The following EPHB1 variants were observed in gnomAD, a reference collection of about 807,000 sequenced individuals.
EPHB1 encodes the protein ephrin type-B receptor 1.
A neutral mutation model predicts 94.4 loss-of-function variants in EPHB1; 30 were observed. The observed-to-expected ratio is 0.32, with a 90% CI of 0.24 to 0.43. The LOEUF is 0.43. Among genes scored for constraint, EPHB1 ranks in the 20% least tolerant of loss-of-function variants. EPHB1 has a pLI of 1.00. For missense variants in EPHB1, 1,055 were observed against 1,308.3 expected, an observed-to-expected ratio of 0.81 and a Z score of 2.99; for synonymous variants, 522 against 489.1, an observed-to-expected ratio of 1.07 and a Z score of -0.89.
chr3:135,026,666 C>A (rs1257129271), intron 3 of EPHB1, among the ~76,000 whole-genome samples: 1 of 134,860 alleles, frequency 7.4e-6, no homozygotes, highest in Non-Finnish European at 1.6e-5. Context: ...CAGCTTTGTT[C>A]TTTTGGCGTA....
At position 135,259,453 on chromosome 3, in the gene EPHB1, G is replaced by A. The variant is rs964109498; in HGVS notation, c.*333G>A. 8.7e-6 allele frequency: 2 copies of A among 231,004 alleles called. No individual in the cohort carries two copies. Among genetic ancestry groups the A allele is most frequent in the East Asian group, 1.3e-4 (2 of 15,422 alleles). 14.3% of individuals were successfully genotyped at this position (231,004 alleles called of 1,614,324 possible). ...GTGGGCTGCAGTTGCCCAACCACAG[G>A]AAGAAAGGGAAGGAGGTAGAGGGAA... is the stretch of plus-strand genomic sequence containing the variant. On this transcript the variant is annotated 3_prime_UTR_variant, in exon 16 of 16. Coordinates refer to ENST00000398015, the MANE Select transcript of EPHB1 (RefSeq NM_004441.5).
chr3:134,884,625 G>A (rs1243099807), intron 1 of EPHB1, among the ~76,000 whole-genome samples: 1 of 152,186 alleles, frequency 6.6e-6, no homozygotes, highest in Admixed American at 6.5e-5. Context: ...ATAAGCAACA[G>A]GATAAAATTT....
At chr3:134,925,699 C>T in intron 1 of EPHB1, 117 bp from the exon 2 acceptor site, 2 of 804,216 alleles carry the variant, frequency 2.5e-6, no homozygotes, top group Non-Finnish European at 3.8e-6. Context: ...ATGCACAAAC[C>T]TCCTTGTAGT....
At chr3:135,042,524 A>G (rs1936884070) in intron 3 of EPHB1, among the ~76,000 whole-genome samples, 1 of 152,224 alleles carries the variant, frequency 6.6e-6, no homozygotes, top group South Asian at 2.1e-4. Context: ...TTCCAGCTCA[A>G]CTGAGTGTCC....
chr3:134,964,751 A>G (rs11915087), intron 3 of EPHB1, among the ~76,000 whole-genome samples: 143 of 151,554 alleles, frequency 9.4e-4, no homozygotes, highest in African/African-American at 3.1e-3. Context: ...TGTCTACTCT[A>G]TTTTCTCTTC....
chr3:135,065,460 C>T (rs1439648435), intron 3 of EPHB1, among the ~76,000 whole-genome samples: 3 of 151,952 alleles, frequency 2.0e-5, no homozygotes, highest in Admixed American at 6.6e-5. Flanking sequence ...ATATAATATC[C>T]GTCTTTGTCT....
chr3:134,834,230 G>C (rs747973304), intron 1 of EPHB1, among the ~76,000 whole-genome samples: 4 of 152,170 alleles, frequency 2.6e-5, no homozygotes, highest in Non-Finnish European at 2.9e-5. Context: ...GCTTAGAATA[G>C]AGCCTGGTAA....
intron 10 of EPHB1, among the ~76,000 whole-genome samples, chr3:135,190,940 A>C (rs888691130): frequency 2.0e-5 from 3 of 152,168 alleles, no homozygotes; most frequent in African/African-American, 7.2e-5. Flanking sequence ...TATATGATTC[A>C]ATGTGAAAAG....
At chr3:135,124,154 C>T (rs1940098784) in intron 4 of EPHB1, among the ~76,000 whole-genome samples, 1 of 151,746 alleles carries the variant, frequency 6.6e-6, no homozygotes, top group South Asian at 2.1e-4. Flanking sequence ...GAACCAAGTA[C>T]ATTCCCACCT....
intron 1 of EPHB1, among the ~76,000 whole-genome samples, chr3:134,865,069 C>T (rs555361443): frequency 1.3e-5 from 2 of 150,536 alleles, no homozygotes; most frequent in South Asian, 2.1e-4. Flanking sequence ...GTAAAACATA[C>T]GTGTGTGTGT....
At chr3:134,861,457 G>A (rs1337821057) in intron 1 of EPHB1, among the ~76,000 whole-genome samples, 1 of 152,180 alleles carries the variant, frequency 6.6e-6, no homozygotes, top group African/African-American at 2.4e-5. Context: ...GCCTCCAAGT[G>A]TAGACTTGAG....
rs534876051 is a variant in EPHB1 at position 135,258,721 on chromosome 3, G to A, written c.2847-291G>A. Among the ~76,000 whole-genome samples the A allele has an allele frequency of 2.0e-5, 3 of 152,168 alleles. No homozygotes were observed. The East Asian group carries it at 5.8e-4, about 29-fold the overall frequency. The stretch of plus-strand genomic sequence containing the variant: ...GAGGAAAATTCCAGTCCATCTGAGG[G>A]TCAGGAGACAATGAAGGGGCTGCCT... On this transcript the variant is annotated intron_variant, in intron 15 of 15. Coordinates refer to ENST00000398015, the MANE Select transcript of EPHB1 (RefSeq NM_004441.5).
chr3:135,102,626 G>C (rs1255524244), intron 3 of EPHB1, among the ~76,000 whole-genome samples: 1 of 152,136 alleles, frequency 6.6e-6, no homozygotes, highest in East Asian at 1.9e-4. Context: ...ATAAATTACT[G>C]AGCATATACC....
chr3:135,257,179 A>C (rs1933433978), intron 15 of EPHB1, among the ~76,000 whole-genome samples: 1 of 151,952 alleles, frequency 6.6e-6, no homozygotes, highest in African/African-American at 2.4e-5. Flanking sequence ...CCCGTAGCTC[A>C]GAGTAATTTG....
At chr3:135,121,418 C>A (rs1939957220) in intron 4 of EPHB1, among the ~76,000 whole-genome samples, 2 of 152,170 alleles carry the variant, frequency 1.3e-5, no homozygotes, top group Admixed American at 6.5e-5. Flanking sequence ...GAAATAATGT[C>A]CAGAACAAGG....
chr3:135,162,278 CA>C, intron 7 of EPHB1, 98 bp downstream of exon 7: 1 of 1,322,940 alleles, frequency 7.6e-7, no homozygotes, highest in Non-Finnish European at 1.0e-6. Flanking sequence ...TGCTGATCTC[CA>C]ACTGGATTCC....
At chr3:134,988,069 G>C (rs967214720) in intron 3 of EPHB1, among the ~76,000 whole-genome samples, 1 of 152,146 alleles carries the variant, frequency 6.6e-6, no homozygotes, top group African/African-American at 2.4e-5. Context: ...AGGTCAAATA[G>C]AAATCATGGA....
intron 3 of EPHB1, among the ~76,000 whole-genome samples, chr3:134,958,446 G>GTGTGTGTGTGTGTGTGTGTGTT (rs1216880112): frequency 4.3e-4 from 63 of 148,198 alleles, no homozygotes; most frequent in Middle Eastern, 3.3e-3. Flanking sequence ...GTGTGTGTGT[G>GTGTGTGTGTGTGTGTGTGTGTT]TGTGAGGCCT....
At chr3:135,025,053 TA>T (rs1322732579) in intron 3 of EPHB1, among the ~76,000 whole-genome samples, 1 of 151,570 alleles carries the variant, frequency 6.6e-6, no homozygotes, top group Non-Finnish European at 1.5e-5. Flanking sequence ...ACTTTTTTGT[TA>T]AATGTAGCGT....
Sources: allele counts gnomAD v4.1 joint callset (sites outside exome capture counted in the v4.1 genomes callset), GRCh38; gene constraint gnomAD v4.1.1; transcripts MANE v1.5; gene names NCBI Gene and HGNC (gene_info 2026-07-23, HGNC 2026-07-21).